The following SUGCT variants were observed in gnomAD, a reference collection of about 807,000 sequenced individuals.
SUGCT encodes succinyl-CoA:glutarate-CoA transferase.
Under a neutral mutation model 55.0 loss-of-function variants are expected in SUGCT, and 41 were observed. The ratio of observed to expected loss-of-function variants is 0.74; its 90% CI spans 0.58 to 0.97. The LOEUF (loss-of-function observed/expected upper bound fraction) is 0.97. SUGCT is among the 50% of genes least tolerant of loss of function. The pLI is 0.00. For synonymous variants in SUGCT, 187 were observed against 200.4 expected (o/e 0.93, Z 0.56); for missense variants, 568 against 547.8 (o/e 1.04, Z -0.37).
At chr7:40,623,717 T>C (rs1416610844) in intron 12 of SUGCT, among the ~76,000 whole-genome samples, 1 of 152,150 alleles carries the variant, frequency 6.6e-6, no homozygotes, top group Non-Finnish European at 1.5e-5. Context: ...TGCACGCACA[T>C]GCACTCATAC....
At chr7:40,559,857 G>A (rs190912148) in intron 12 of SUGCT, among the ~76,000 whole-genome samples, 1 of 152,282 alleles carries the variant, frequency 6.6e-6, no homozygotes, top group African/African-American at 2.4e-5. Context: ...CACTGTCACA[G>A]TTATTTCAAA....
intron 12 of SUGCT, among the ~76,000 whole-genome samples, chr7:40,715,792 C>G (rs1405266967): frequency 1.3e-5 from 2 of 152,174 alleles, no homozygotes; most frequent in African/African-American, 4.8e-5. Flanking sequence ...CCCTGTACCC[C>G]CAACTCTGTA....
intron 12 of SUGCT, among the ~76,000 whole-genome samples, chr7:40,724,565 A>C (rs1421142060): frequency 1.3e-5 from 2 of 151,920 alleles, no homozygotes; most frequent in Non-Finnish European, 2.9e-5. Flanking sequence ...CCATCTCAAA[A>C]AAAAAAAGCT....
chr7:40,391,921 T>C (rs1247186248), intron 9 of SUGCT, among the ~76,000 whole-genome samples: 1 of 152,174 alleles, frequency 6.6e-6, no homozygotes, highest in East Asian at 1.9e-4. Flanking sequence ...TAAGAAAATA[T>C]GACACACACA....
the SUGCT span, among the ~76,000 whole-genome samples, chr7:40,942,231 T>C: frequency 6.6e-6 from 1 of 152,176 alleles, no homozygotes; most frequent in Non-Finnish European, 1.5e-5. Flanking sequence ...GAATTCCTTT[T>C]AGCCGTTCTT....
chr7:40,327,819 T>G (rs1449823695), intron 9 of SUGCT, among the ~76,000 whole-genome samples: 2 of 152,226 alleles, frequency 1.3e-5, no homozygotes, highest in Non-Finnish European at 2.9e-5. Flanking sequence ...CTATAATAAT[T>G]ATCAGATGTA....
intron 12 of SUGCT, among the ~76,000 whole-genome samples, chr7:40,734,581 T>C (rs1276787358): frequency 6.6e-6 from 1 of 152,180 alleles, no homozygotes; most frequent in East Asian, 1.9e-4. Flanking sequence ...ACATTCATGC[T>C]GGTTGGACTG....
chr7:40,641,731 A>C (rs533886853), intron 12 of SUGCT, among the ~76,000 whole-genome samples: 78 of 152,284 alleles, frequency 5.1e-4, no homozygotes, highest in African/African-American at 1.5e-3. Context: ...CCCCTTTATC[A>C]TCTTACCTTC....
At chr7:40,195,708 CTTTTTTTTTTTTTT>C (rs928397687) in intron 6 of SUGCT, among the ~76,000 whole-genome samples, 1 of 69,404 alleles carries the variant, frequency 1.4e-5, no homozygotes, top group South Asian at 5.9e-4. Flanking sequence ...GAAAACAATT[CTTTTTTTTTTTTTT>C]TTTTTTTTTT....
intron 8 of SUGCT, among the ~76,000 whole-genome samples, chr7:40,293,948 T>C (rs1793953577): frequency 6.8e-6 from 1 of 148,136 alleles, no homozygotes; most frequent in Admixed American, 6.7e-5. Flanking sequence ...TAGAAAGAGC[T>C]TTTTTTTTTG....
chr7:40,280,641 A>G (rs1792890747), intron 8 of SUGCT, among the ~76,000 whole-genome samples: 1 of 152,214 alleles, frequency 6.6e-6, no homozygotes, highest in South Asian at 2.1e-4. Flanking sequence ...AATTCTTATC[A>G]TTTTGACTGA....
At chr7:40,271,849 A>G (rs965588358) in intron 7 of SUGCT, among the ~76,000 whole-genome samples, 1 of 151,694 alleles carries the variant, frequency 6.6e-6, no homozygotes, top group African/African-American at 2.4e-5. Context: ...TACCCTTCCC[A>G]GCCTCTGGTA....
At chr7:40,498,984 A>G (rs1436630946) in intron 12 of SUGCT, 1 of 421,630 alleles carries the variant, frequency 2.4e-6, no homozygotes, top group Non-Finnish European at 4.8e-6. Flanking sequence ...ATTTTCCGTA[A>G]AAGTTTTTTC....
chr7:40,817,718 G>A (rs1295144158), intron 13 of SUGCT, among the ~76,000 whole-genome samples: 1 of 152,144 alleles, frequency 6.6e-6, no homozygotes, highest in Non-Finnish European at 1.5e-5. Flanking sequence ...TATATAGACT[G>A]AACAAAAGTA....
chr7:40,176,060 C>T (rs749004941), intron 1 of SUGCT, among the ~76,000 whole-genome samples: 10 of 151,986 alleles, frequency 6.6e-5, no homozygotes, highest in East Asian at 3.9e-4. Context: ...GGCGAAACCC[C>T]GTCTCTACTA....
intron 10 of SUGCT, among the ~76,000 whole-genome samples, chr7:40,454,744 G>T (rs1247339278): frequency 6.6e-6 from 1 of 152,142 alleles, no homozygotes; most frequent in Non-Finnish European, 1.5e-5. Context: ...TGCCAACCTA[G>T]ATTTCAATAT....
intron 12 of SUGCT, among the ~76,000 whole-genome samples, chr7:40,674,880 C>G (rs919039583): frequency 1.3e-5 from 2 of 151,878 alleles, no homozygotes; most frequent in African/African-American, 4.8e-5. Context: ...TTCTGCCGTC[C>G]ATGATGCAGA....
chr7:40,616,896 A>G (rs764407419), intron 12 of SUGCT, among the ~76,000 whole-genome samples: 1 of 152,206 alleles, frequency 6.6e-6, no homozygotes, highest in Non-Finnish European at 1.5e-5. Context: ...TGTCCTGGAA[A>G]AGTCTATATT....
chr7:41,000,043 G>C, the SUGCT span, among the ~76,000 whole-genome samples: 2 of 152,132 alleles, frequency 1.3e-5, no homozygotes, highest in Non-Finnish European at 2.9e-5. Context: ...TTCCTTTCCA[G>C]AACAAGATGG....
Sources: gnomAD v4.1 joint callset for allele counts (sites outside exome capture counted in the v4.1 genomes callset) on GRCh38, gnomAD v4.1.1 for gene constraint, MANE v1.5 for transcripts, NCBI Gene and HGNC (gene_info 2026-07-23, HGNC 2026-07-21) for gene names.